The following RBFOX1 variants were observed in gnomAD, a reference collection of about 807,000 sequenced individuals.
The protein encoded by RBFOX1 is RNA binding protein fox-1 homolog 1.
In RBFOX1, 8 loss-of-function variants were observed where a neutral mutation model predicts 57.7. That is an observed-to-expected ratio of 0.14 (90% CI 0.08 to 0.25). RBFOX1 has a LOEUF of 0.25. Ranked by LOEUF, RBFOX1 falls within the 10% of genes least tolerant of loss-of-function variation. RBFOX1 has a pLI of 1.00. For missense variants in RBFOX1, 611 were observed against 548.5 expected (o/e 1.11, Z -1.14); for synonymous variants, 326 against 222.4 (o/e 1.47, Z -4.15).
At chr16:6,637,390 T>TAATATACAAA (rs1567986799) in intron 2 of RBFOX1, among the ~76,000 whole-genome samples, 1 of 11,634 alleles carries the variant, frequency 8.6e-5, no homozygotes, top group African/African-American at 1.6e-4. Flanking sequence ...CAAATATATA[T>TAATATACAAA]TATATATTAA....
chr16:6,233,950 T>A (rs2097485690), intron 1 of RBFOX1, among the ~76,000 whole-genome samples: 1 of 152,180 alleles, frequency 6.6e-6, no homozygotes, highest in Admixed American at 6.5e-5. Flanking sequence ...TTATCACAGT[T>A]TCAGAAGCTG....
chr16:7,159,828 T>G (rs563012143), intron 4 of RBFOX1, among the ~76,000 whole-genome samples: 34 of 152,356 alleles, frequency 2.2e-4, no homozygotes, highest in African/African-American at 8.2e-4. Context: ...AACAGAATGT[T>G]GTAGTTTGCA....
intron 3 of RBFOX1, among the ~76,000 whole-genome samples, chr16:6,917,243 T>A (rs1055469046): frequency 2.0e-5 from 3 of 152,208 alleles, no homozygotes; most frequent in African/African-American, 7.2e-5. Context: ...GTCCCCGCTC[T>A]CACTGCAAAG....
chr16:6,945,214 G>C (rs2079263116), intron 3 of RBFOX1, among the ~76,000 whole-genome samples: 1 of 152,132 alleles, frequency 6.6e-6, no homozygotes. Context: ...TGGCAGCAAA[G>C]TTCCAGCTCA....
intron 2 of RBFOX1, among the ~76,000 whole-genome samples, chr16:6,520,016 A>G (rs2096467740): frequency 6.6e-6 from 1 of 152,164 alleles, no homozygotes; most frequent in Admixed American, 6.5e-5. Context: ...AGACACAAAA[A>G]CATTGAGAAC....
intron 1 of RBFOX1, among the ~76,000 whole-genome samples, chr16:5,250,094 A>G (rs1302066964): frequency 1.3e-5 from 2 of 151,420 alleles, no homozygotes; most frequent in Non-Finnish European, 2.9e-5. Context: ...GTGTCCCTGG[A>G]CTCCAGCCTG....
chr16:7,014,916 A>G (rs188758709), intron 3 of RBFOX1, among the ~76,000 whole-genome samples: 1 of 151,756 alleles, frequency 6.6e-6, no homozygotes, highest in Non-Finnish European at 1.5e-5. Flanking sequence ...TACTAGAGGC[A>G]CTTTTGAACA....
intron 4 of RBFOX1, among the ~76,000 whole-genome samples, chr16:7,420,960 C>CATATAT (rs540217288): frequency 2.2e-4 from 32 of 145,816 alleles, no homozygotes; most frequent in Admixed American, 6.9e-4. Flanking sequence ...CACACACACA[C>CATATAT]ATATATATAT....
chr16:5,308,881 C>T (rs981707217), intron 1 of RBFOX1, among the ~76,000 whole-genome samples: 2 of 152,126 alleles, frequency 1.3e-5, no homozygotes, highest in Non-Finnish European at 2.9e-5. Context: ...GTCCTGAGAC[C>T]TCCCTGCTAA....
chr16:5,931,902 G>A (rs369591192), intron 4 of RBFOX1, among the ~76,000 whole-genome samples: 9 of 152,186 alleles, frequency 5.9e-5, no homozygotes, highest in African/African-American at 2.2e-4. Context: ...TGACCTCCTG[G>A]GCTCGAGCAT....
intron 3 of RBFOX1, among the ~76,000 whole-genome samples, chr16:5,719,452 C>T (rs1021891566): frequency 6.6e-6 from 1 of 151,744 alleles, no homozygotes; most frequent in African/African-American, 2.4e-5. Flanking sequence ...GCTCGCGATC[C>T]GCCCACCTCG....
Position 6,187,110 on chromosome 16 carries a change from C to T in RBFOX1, c.-126-129885C>T, listed in dbSNP as rs565757521. 1.8e-4 allele frequency among the ~76,000 whole-genome samples: 28 copies of T among 152,236 alleles called. 2 individuals carry two copies. The South Asian group carries it at 5.6e-3, about 30-fold the overall frequency. On this transcript the variant is annotated intron_variant, in intron 1 of 15. Transcript: ENST00000550418. The stretch of plus-strand genomic sequence containing the variant: ...GGGATGCAACACTATATCAGAGAGA[C>T]ACTTTTATCGTAGATGTATAGTTAG...
intron 1 of RBFOX1, among the ~76,000 whole-genome samples, chr16:6,066,895 T>C (rs1028663985): frequency 1.3e-5 from 2 of 152,152 alleles, no homozygotes; most frequent in African/African-American, 4.8e-5. Context: ...ACAGGCTGCA[T>C]TTGACCGTTG....
At chr16:5,640,609 C>T (rs556924862) in intron 3 of RBFOX1, among the ~76,000 whole-genome samples, 4 of 151,812 alleles carry the variant, frequency 2.6e-5, no homozygotes, top group South Asian at 2.1e-4. Flanking sequence ...TACACACATG[C>T]GCATACATAT....
At chr16:7,520,434 TCTCCCC>T (rs1234187161) in intron 5 of RBFOX1, among the ~76,000 whole-genome samples, 7 of 152,116 alleles carry the variant, frequency 4.6e-5, no homozygotes, top group African/African-American at 1.7e-4. Context: ...CCATTCTCCC[TCTCCCC>T]GGCCCCTGGC....
chr16:5,865,784 C>T (rs562438430), intron 3 of RBFOX1, among the ~76,000 whole-genome samples: 1 of 152,258 alleles, frequency 6.6e-6, no homozygotes, highest in African/African-American at 2.4e-5. Context: ...TACTCTGGAG[C>T]CTGAGAGTTC....
chr16:6,475,481 A>C (rs928079333), intron 2 of RBFOX1, among the ~76,000 whole-genome samples: 1 of 152,216 alleles, frequency 6.6e-6, no homozygotes, highest in Non-Finnish European at 1.5e-5. Flanking sequence ...ATGCTTGGAA[A>C]ATATGCCCAG....
intron 4 of RBFOX1, among the ~76,000 whole-genome samples, chr16:7,286,460 T>A (rs1447469823): frequency 6.7e-6 from 1 of 148,802 alleles, no homozygotes; most frequent in African/African-American, 2.5e-5. Flanking sequence ...TTTTTTTTTT[T>A]TTTTTTTGAG....
At chr16:6,908,145 G>T (rs187488074) in intron 3 of RBFOX1, among the ~76,000 whole-genome samples, 64 of 151,792 alleles carry the variant, frequency 4.2e-4, no homozygotes, top group African/African-American at 1.4e-3. Flanking sequence ...AAACAATTCA[G>T]CTCCTAACAA....
Sources: allele counts gnomAD v4.1 joint callset (sites outside exome capture counted in the v4.1 genomes callset), GRCh38; gene constraint gnomAD v4.1.1; transcripts MANE v1.5; gene names NCBI Gene and HGNC (gene_info 2026-07-23, HGNC 2026-07-21).